The following CNOT4 variants were observed in gnomAD, a reference collection of about 807,000 sequenced individuals.
CNOT4 encodes the protein CCR4-NOT transcription complex subunit 4.
In CNOT4, 8 loss-of-function variants were observed where a neutral mutation model predicts 73.8. The ratio of observed to expected loss-of-function variants is 0.11; its 90% CI spans 0.06 to 0.20. CNOT4 has a LOEUF of 0.20. Ranked by LOEUF, CNOT4 falls within the 10% of genes least tolerant of loss-of-function variation. CNOT4 has a pLI of 1.00. For missense variants in CNOT4, 564 were observed against 883.4 expected (o/e 0.64, Z 4.58); for synonymous variants, 293 against 321.1 (o/e 0.91, Z 0.94).
chr7:135,500,328 G>T (rs866546979), intron 1 of CNOT4, among the ~76,000 whole-genome samples: 1 of 152,054 alleles, frequency 6.6e-6, no homozygotes, highest in African/African-American at 2.4e-5. Flanking sequence ...TACAAAGCGA[G>T]AAACAAGAAA....
rs897913625 is a variant in CNOT4, at chr7:135,362,824, C to T, written c.*61G>A. On this transcript the variant is annotated 3_prime_UTR_variant, in exon 12 of 12. Coordinates refer to ENST00000541284, the MANE Select transcript of CNOT4 (RefSeq NM_001190850.2). ...TGAGAAGGGAGCTGTGGGTGGTGGGCTGAGAGGGAGAAAACAGAGTGGGAC... is the reference window on the plus strand; with the variant it reads ...TGAGAAGGGAGCTGTGGGTGGTGGGTTGAGAGGGAGAAAACAGAGTGGGAC... 8 of 1,433,184 alleles carry T rather than the reference C, an allele frequency of 5.6e-6. No individual in the cohort carries two copies. In the African/African-American group the frequency reaches 8.4e-5, roughly 15 times the overall value. 88.8% of individuals were successfully genotyped at this position (1,433,184 alleles called of 1,614,324 possible).
intron 10 of CNOT4, among the ~76,000 whole-genome samples, chr7:135,365,494 G>A (rs959740945): frequency 8.7e-6 from 1 of 114,310 alleles, no homozygotes; most frequent in East Asian, 3.8e-4. Context: ...GCCCTGAGAG[G>A]CAGGCAGACA....
intron 10 of CNOT4, among the ~76,000 whole-genome samples, chr7:135,375,906 C>T (rs1795490104): frequency 6.6e-6 from 1 of 151,726 alleles, no homozygotes; most frequent in African/African-American, 2.4e-5. Flanking sequence ...ACCCAGGTGA[C>T]AGTGCGAGAC....
chr7:135,370,137 G>A (rs1222665390), intron 10 of CNOT4, among the ~76,000 whole-genome samples: 1 of 152,132 alleles, frequency 6.6e-6, no homozygotes, highest in Non-Finnish European at 1.5e-5. Flanking sequence ...TATAATGCAA[G>A]ACACACCAAT....
At chr7:135,419,141 T>TC (rs1798036089) in intron 3 of CNOT4, among the ~76,000 whole-genome samples, 1 of 151,282 alleles carries the variant, frequency 6.6e-6, no homozygotes, top group African/African-American at 2.5e-5. Flanking sequence ...TCTTCTAAGA[T>TC]CTTTTTTTTT....
intron 2 of CNOT4, among the ~76,000 whole-genome samples, chr7:135,429,149 A>T (rs1045944600): frequency 6.6e-6 from 1 of 152,188 alleles, no homozygotes; most frequent in African/African-American, 2.4e-5. Context: ...ATATACTTCA[A>T]AGTTGTACTG....
intron 1 of CNOT4, among the ~76,000 whole-genome samples, chr7:135,470,037 G>A (rs756308596): frequency 6.2e-4 from 94 of 152,110 alleles, no homozygotes; most frequent in Non-Finnish European, 9.0e-4. Context: ...TGGTTAGGCT[G>A]GTCTCGAACT....
At chr7:135,471,244 T>C (rs780768052) in intron 1 of CNOT4, among the ~76,000 whole-genome samples, 2 of 151,764 alleles carry the variant, frequency 1.3e-5, no homozygotes, top group South Asian at 2.1e-4. Context: ...GGAGACAGTA[T>C]GGAAACAGAG....
intron 7 of CNOT4, among the ~76,000 whole-genome samples, chr7:135,405,762 G>A (rs1003247404): frequency 2.0e-5 from 3 of 152,034 alleles, no homozygotes; most frequent in African/African-American, 4.8e-5. Flanking sequence ...TATGTGCATC[G>A]GGGACCATGT....
chr7:135,414,389 T>C lies in CNOT4; in HGVS notation c.503A>G (p.Asp168Gly). ...GACACACTGTATGGCTCTGAGAGCG[T>C]CTTCTGACCGGATATAGGTTACATA... ...SAYVTYIRSEDALRAIQCVNN... is the reference protein window; with the variant it reads ...SAYVTYIRSEGALRAIQCVNN... The change falls in exon 5 of 12, where the codon GAC (aspartate) becomes GGC (glycine). Residue 168 changes from aspartate (D) to glycine (G), a missense_variant. Asp to Gly is a moderately conservative substitution (Grantham distance 94, BLOSUM62 -1). Around this residue, in one of 10 missense-constraint regions of CNOT4, gnomAD observed 25 missense variants for 25.1 expected, o/e 1.00. Transcript: ENST00000541284. The C allele has an allele frequency of 6.4e-7, 1 of 1,568,868 alleles. No homozygotes were observed. Among genetic ancestry groups the C allele is most frequent in the Non-Finnish European group, 8.8e-7 (1 of 1,140,336 alleles).
chr7:135,402,498 T>C (rs1230629936), intron 7 of CNOT4, among the ~76,000 whole-genome samples: 8 of 152,188 alleles, frequency 5.3e-5, no homozygotes, highest in Non-Finnish European at 1.2e-4. Flanking sequence ...ACAAAATATA[T>C]ACATATTTAT....
chr7:135,430,615 A>T (rs1798769828), intron 2 of CNOT4, among the ~76,000 whole-genome samples: 1 of 152,172 alleles, frequency 6.6e-6, no homozygotes, highest in Non-Finnish European at 1.5e-5. Flanking sequence ...ACTGTACTCC[A>T]CCCTGGGCGA....
At chr7:135,467,040 G>C (rs1305556804) in intron 1 of CNOT4, among the ~76,000 whole-genome samples, 1 of 152,152 alleles carries the variant, frequency 6.6e-6, no homozygotes, top group Non-Finnish European at 1.5e-5. Context: ...TCAGTTTTTA[G>C]TAATGTTTAC....
chr7:135,402,507 A>T (rs1156349407), intron 7 of CNOT4, among the ~76,000 whole-genome samples: 1 of 152,212 alleles, frequency 6.6e-6, no homozygotes, highest in Non-Finnish European at 1.5e-5. Context: ...ATACATATTT[A>T]TTTATTTAAA....
intron 1 of CNOT4, among the ~76,000 whole-genome samples, chr7:135,505,494 G>C (rs112758098): frequency 0.079 from 11,992 of 152,184 alleles, 648 homozygotes; most frequent in Non-Finnish European, 0.12. Flanking sequence ...AGAGGCTTCA[G>C]TGAGCCGAGA....
intron 10 of CNOT4, among the ~76,000 whole-genome samples, chr7:135,365,630 C>T (rs146062896): frequency 8.5e-5 from 13 of 152,150 alleles, no homozygotes; most frequent in Non-Finnish European, 1.6e-4. Flanking sequence ...CTTACTCTCT[C>T]GATCTACTCT....
chr7:135,424,814 C>CA (rs891671321), intron 2 of CNOT4, among the ~76,000 whole-genome samples: 120 of 150,826 alleles, frequency 8.0e-4, no homozygotes, highest in African/African-American at 2.2e-3. Flanking sequence ...AACAAACAAA[C>CA]AAAAAAAAAC....
intron 2 of CNOT4, among the ~76,000 whole-genome samples, chr7:135,433,486 A>AG (rs1798976939): frequency 1.3e-5 from 2 of 150,560 alleles, no homozygotes; most frequent in Non-Finnish European, 3.0e-5. Context: ...CCTCCCGAGT[A>AG]GCTGGGACTA....
At chr7:135,507,961 G>C (rs1245389226) in intron 1 of CNOT4, among the ~76,000 whole-genome samples, 1 of 152,140 alleles carries the variant, frequency 6.6e-6, no homozygotes, top group Non-Finnish European at 1.5e-5. Flanking sequence ...TTAAGTGGCT[G>C]AAAGAAAAAA....
Sources: gnomAD v4.1 joint callset for allele counts (sites outside exome capture counted in the v4.1 genomes callset) on GRCh38, gnomAD v4.1.1 for gene constraint, gnomAD v4.1.1 regional missense constraint, MANE v1.5 for transcripts, NCBI Gene and HGNC (gene_info 2026-07-23, HGNC 2026-07-21) for gene names.